Variants in WDFY4 observed in about 807,000 individuals in gnomAD.
WDFY4 encodes the protein WD repeat- and FYVE domain-containing protein 4.
Under a neutral mutation model 351.9 loss-of-function variants are expected in WDFY4, and 169 were observed. The ratio of observed to expected loss-of-function variants is 0.48; its 90% CI spans 0.42 to 0.55. The LOEUF is 0.55. Among genes scored for constraint, WDFY4 ranks in the 20% least tolerant of loss-of-function variants. WDFY4 has a pLI of 0.00. For missense variants in WDFY4, 3,803 were observed against 3,935.6 expected (o/e 0.97, Z 0.90); for synonymous variants, 1,622 against 1,574.6 (o/e 1.03, Z -0.71).
intron 2 of WDFY4, among the ~76,000 whole-genome samples, chr10:48,716,441 T>C (rs2063913051): frequency 6.6e-6 from 1 of 152,240 alleles, no homozygotes; most frequent in South Asian, 2.1e-4. Flanking sequence ...TAAAAGTTTT[T>C]TAAAATATTG....
At chr10:48,871,567 C>T (rs957287574) in intron 40 of WDFY4, among the ~76,000 whole-genome samples, 2 of 150,782 alleles carry the variant, frequency 1.3e-5, no homozygotes, top group East Asian at 2.0e-4. Flanking sequence ...CCTTGAACTC[C>T]TGGGCTCAAG....
chr10:48,851,695 G>C (rs1198716298), intron 39 of WDFY4, among the ~76,000 whole-genome samples: 1 of 152,262 alleles, frequency 6.6e-6, no homozygotes, highest in Non-Finnish European at 1.5e-5. Flanking sequence ...TGTAATGACT[G>C]TCATCAGTGG....
At chr10:48,790,991 G>C in intron 23 of WDFY4, 74 bp downstream of exon 23, 1 of 1,511,642 alleles carries the variant, frequency 6.6e-7, no homozygotes, top group South Asian at 1.3e-5. Context: ...GACAAGCGTT[G>C]CTTGCCTCAG....
Position 48,923,506 on chromosome 10 carries a change from A to ATATATATGTATGTATG in WDFY4, c.7587-18291_7587-18290insATGTATGTATATATGT, listed in dbSNP as rs1554812695. ...AACAAATAGTTTTTAGTATATATAT[A>ATATATATGTATGTATG]TATATATGTCCCAAATACCGCATAG... is the stretch of plus-strand genomic sequence containing the variant. On this transcript the variant is annotated intron_variant, in intron 47 of 61. Transcript: ENST00000325239. Among the ~76,000 whole-genome samples, 28 of 115,110 alleles carry ATATATATGTATGTATG rather than the reference A, an allele frequency of 2.4e-4. 6 individuals are homozygous for ATATATATGTATGTATG. The highest frequency in any genetic ancestry group is 1.6e-3 in the East Asian group (6 of 3,652). 75.5% of individuals were successfully genotyped at this position (115,110 alleles called of 152,430 possible).
At chr10:48,951,241 A>G (rs1489314043) in intron 51 of WDFY4, among the ~76,000 whole-genome samples, 4 of 152,156 alleles carry the variant, frequency 2.6e-5, no homozygotes, top group Non-Finnish European at 5.9e-5. Context: ...TCCAGAAAAT[A>G]TGGTATATAT....
At chr10:48,791,195 C>T (rs2066666778) in intron 23 of WDFY4, among the ~76,000 whole-genome samples, 1 of 152,248 alleles carries the variant, frequency 6.6e-6, no homozygotes. Flanking sequence ...GGTTGTCTCC[C>T]CACCTTGTCT....
At chr10:48,754,878 A>T (rs534492473) in intron 12 of WDFY4, among the ~76,000 whole-genome samples, 310 of 152,310 alleles carry the variant, frequency 2.0e-3, no homozygotes, top group African/African-American at 7.2e-3. Flanking sequence ...CAACATGGGC[A>T]GGGTGTTGGA....
intron 19 of WDFY4, among the ~76,000 whole-genome samples, chr10:48,784,024 C>G (rs1231447419): frequency 2.6e-5 from 4 of 152,280 alleles, no homozygotes; most frequent in Admixed American, 6.5e-5. Context: ...AGCCACAGTT[C>G]ATTCTTTTTT....
rs1175589112 is a variant in WDFY4 at position 48,731,410 on chromosome 10, G to A, written c.1430G>A (p.Ser477Asn). The A allele has an allele frequency of 5.8e-6, 9 of 1,551,634 alleles. No individual in the cohort carries two copies. In the African/African-American group the frequency reaches 1.1e-4, roughly 19 times the overall value. ...AAGGTACAGCATCTGATCAAGGAGAGCCCTGGGCCATCCTGCACCCTCATG... is the reference window on the plus strand; with the variant it reads ...AAGGTACAGCATCTGATCAAGGAGAACCCTGGGCCATCCTGCACCCTCATG... The part of the protein sequence containing the change: ...LRKVQHLIKE[S>N]PGPSCTLMAL... The change falls in exon 9 of 62, where the codon AGC (serine) becomes AAC (asparagine). Residue 477 changes from serine to asparagine, a missense_variant. Ser to Asn is a conservative substitution (Grantham distance 46). Transcript: ENST00000325239.
chr10:48,907,747 T>C (rs543016133), intron 47 of WDFY4, among the ~76,000 whole-genome samples: 1 of 152,230 alleles, frequency 6.6e-6, no homozygotes, highest in Admixed American at 6.5e-5. Context: ...TGGCTACAGA[T>C]CTGTAAGGTA....
chr10:48,952,313 T>A (rs145677036), intron 51 of WDFY4, among the ~76,000 whole-genome samples: 9 of 152,274 alleles, frequency 5.9e-5, no homozygotes, highest in Non-Finnish European at 1.2e-4. Context: ...GCCTACCCAA[T>A]GCAGCCAGGG....
intron 39 of WDFY4, among the ~76,000 whole-genome samples, chr10:48,850,051 T>G (rs565177608): frequency 6.6e-6 from 1 of 152,340 alleles, no homozygotes; most frequent in Admixed American, 6.5e-5. Flanking sequence ...AGAAGTGATA[T>G]GCCCTTCTTT....
At chr10:48,721,222 C>T in intron 3 of WDFY4, 39 bp from the exon 4 acceptor site, 1 of 1,534,738 alleles carries the variant, frequency 6.5e-7, no homozygotes, top group Non-Finnish European at 8.8e-7. Context: ...GCTGAGTGGG[C>T]AGGTCGCTGT....
intron 1 of WDFY4, among the ~76,000 whole-genome samples, chr10:48,702,885 T>C (rs1200874442): frequency 6.6e-6 from 1 of 152,174 alleles, no homozygotes; most frequent in Non-Finnish European, 1.5e-5. Context: ...ACCCTTGCCA[T>C]CATCAAGTTT....
chr10:48,773,379 C>G (rs573704642), intron 13 of WDFY4, among the ~76,000 whole-genome samples: 11 of 152,316 alleles, frequency 7.2e-5, no homozygotes, highest in African/African-American at 2.4e-4. Context: ...TCTTATCCAG[C>G]AACAAAAGAG....
intron 2 of WDFY4, among the ~76,000 whole-genome samples, chr10:48,712,129 T>C (rs1361539841): frequency 6.6e-6 from 1 of 152,258 alleles, no homozygotes; most frequent in Non-Finnish European, 1.5e-5. Context: ...GTGGGCTTTC[T>C]AGTCAAACAG....
At chr10:48,831,266 C>G (rs1324485070) in intron 38 of WDFY4, among the ~76,000 whole-genome samples, 3 of 152,206 alleles carry the variant, frequency 2.0e-5, no homozygotes, top group African/African-American at 7.2e-5. Context: ...TTCCTCATGT[C>G]CTGTCACTTC....
intron 47 of WDFY4, 44 bp downstream of exon 47, chr10:48,901,907 G>A (rs779029131): frequency 3.3e-6 from 5 of 1,514,992 alleles, no homozygotes; most frequent in Non-Finnish European, 4.5e-6. Context: ...CACTGCCCTG[G>A]CTTTGATGTT....
At chr10:48,875,248 T>G in intron 42 of WDFY4, 108 bp downstream of exon 42, 1 of 583,708 alleles carries the variant, frequency 1.7e-6, no homozygotes, top group Non-Finnish European at 2.5e-6. Flanking sequence ...AAAATGCTAT[T>G]GTAGCCAGCC....
Sources: allele counts gnomAD v4.1 joint callset (sites outside exome capture counted in the v4.1 genomes callset), GRCh38; gene constraint gnomAD v4.1.1; transcripts MANE v1.5; gene names NCBI Gene and HGNC (gene_info 2026-07-23, HGNC 2026-07-21).